TIAM1: variants seen among roughly 807,000 people sequenced by gnomAD.
TIAM1 encodes the protein TIAM Rac1 associated GEF 1.
A neutral mutation model predicts 163.5 loss-of-function variants in TIAM1; 65 were observed. The ratio of observed to expected loss-of-function variants is 0.40; its 90% CI spans 0.33 to 0.49. The LOEUF (loss-of-function observed/expected upper bound fraction) is 0.49, where lower values mean the gene tolerates loss of function less well. Among genes scored for constraint, TIAM1 ranks in the 20% least tolerant of loss-of-function variants. The probability of loss-of-function intolerance (pLI) is 0.77; values close to 1 mark genes in which losing one functional copy is unlikely to be tolerated. For synonymous variants in TIAM1, 833 were observed against 810.1 expected (o/e 1.03, Z -0.48); for missense variants, 1,789 against 2,044.7 (o/e 0.87, Z 2.41).
intron 2 of TIAM1, among the ~76,000 whole-genome samples, chr21:31,385,429 A>G (rs1013007801): frequency 6.6e-6 from 1 of 152,162 alleles, no homozygotes; most frequent in Non-Finnish European, 1.5e-5. Flanking sequence ...CTGCTACGAA[A>G]GAAGGGTGGG....
chr21:31,555,521 C>CT (rs1430943104), intron 1 of TIAM1, among the ~76,000 whole-genome samples: 7 of 152,066 alleles, frequency 4.6e-5, no homozygotes, highest in Admixed American at 4.6e-4. Context: ...AACCACGAGC[C>CT]TGAGTCCGTG....
intron 1 of TIAM1, among the ~76,000 whole-genome samples, chr21:31,528,139 G>T (rs951248137): frequency 1.3e-5 from 2 of 152,140 alleles, no homozygotes; most frequent in Non-Finnish European, 2.9e-5. Flanking sequence ...GGAGCAGGGA[G>T]GGGGGATGCC....
At chr21:31,396,724 C>T (rs371813865) in intron 2 of TIAM1, among the ~76,000 whole-genome samples, 5 of 151,782 alleles carry the variant, frequency 3.3e-5, no homozygotes, top group East Asian at 1.9e-4. Context: ...CCAAGGTGGG[C>T]GGATCACTTG....
At chr21:31,487,095 T>C (rs9979758) in intron 1 of TIAM1, among the ~76,000 whole-genome samples, 89,665 of 152,014 alleles carry the variant, frequency 0.59, 27,333 homozygotes, top group African/African-American at 0.7. Context: ...ATCAGTTTTG[T>C]TCAGGGCTGG....
At chr21:31,303,349 T>C (rs1189764642) in intron 2 of TIAM1, among the ~76,000 whole-genome samples, 1 of 152,192 alleles carries the variant, frequency 6.6e-6, no homozygotes, top group Non-Finnish European at 1.5e-5. Flanking sequence ...AGAATCAGCA[T>C]TAATTGAGCA....
At chr21:31,299,743 G>T (rs2074430126) in intron 2 of TIAM1, among the ~76,000 whole-genome samples, 1 of 152,090 alleles carries the variant, frequency 6.6e-6, no homozygotes, top group Non-Finnish European at 1.5e-5. Flanking sequence ...TTTTGCCTCT[G>T]CTGCTTGAGG....
Position 31,218,892 on chromosome 21 carries a change from C to A in TIAM1, c.1996-1193G>T, listed in dbSNP as rs571516616. Among the ~76,000 whole-genome samples the A allele has an allele frequency of 2.0e-5, 3 of 152,098 alleles. No homozygotes were observed. In the South Asian group the frequency reaches 6.2e-4, roughly 32 times the overall value. ...ACTGGGCTCACTGAAGATGAAGGCA[C>A]CTTACCAGACTTGCATCACTTACAT... On this transcript the variant is annotated intron_variant, in intron 8 of 27. Transcript: ENST00000541036.
intron 1 of TIAM1, among the ~76,000 whole-genome samples, chr21:31,526,575 A>G (rs926914524): frequency 6.6e-6 from 1 of 152,216 alleles, no homozygotes; most frequent in Non-Finnish European, 1.5e-5. Context: ...CTTTCCCACG[A>G]CAATGCAGAC....
intron 2 of TIAM1, among the ~76,000 whole-genome samples, chr21:31,310,519 C>G (rs754346980): frequency 2.6e-5 from 4 of 152,204 alleles, no homozygotes; most frequent in Non-Finnish European, 2.9e-5. Flanking sequence ...TGAGAATCTT[C>G]TAGGTAGTCA....
Position 31,195,225 on chromosome 21 carries a change from G to A in TIAM1, c.2574C>T (p.Tyr858=), listed in dbSNP as rs753566207. 56 of 1,607,492 alleles carry A rather than the reference G, an allele frequency of 3.5e-5. No homozygotes were observed. Among genetic ancestry groups the A allele is most frequent in the Non-Finnish European group, 4.2e-5 (49 of 1,175,266 alleles). ...IEKSDTAADT[Y]GFSLSSVEED... ...ACAAACAAAGAAAAATAAACTTACC[G>A]TAAGTATCAGCAGCTGTATCTGACT... The change falls in exon 13 of 28, where the codon TAC becomes TAT. Residue 858 remains tyrosine, a splice_region_variant and synonymous_variant. Transcript: ENST00000541036.
intron 1 of TIAM1, among the ~76,000 whole-genome samples, chr21:31,500,885 G>C (rs1196331526): frequency 6.6e-6 from 1 of 152,198 alleles, no homozygotes; most frequent in Non-Finnish European, 1.5e-5. Context: ...CTACCAGTTT[G>C]TGCTATGTTA....
At position 31,223,596 on chromosome 21, in the gene TIAM1, G is replaced by A; in HGVS notation, c.1810-5C>T. 1 of 1,579,662 alleles carries A rather than the reference G, an allele frequency of 6.3e-7. No homozygotes were observed. The highest frequency in any genetic ancestry group is 8.6e-7 in the Non-Finnish European group (1 of 1,161,452). On this transcript the variant is annotated splice_polypyrimidine_tract_variant and splice_region_variant and intron_variant, in intron 7 of 27. Coordinates refer to ENST00000541036, the MANE Select transcript of TIAM1 (RefSeq NM_001353694.2). ...ATTTTGCTCCCAGACAAAGATCTAT[G>A]GTAGTGAAAACACGGGAAAAGAAAA...
chr21:31,374,712 G>A (rs768140303), intron 2 of TIAM1, among the ~76,000 whole-genome samples: 7 of 152,214 alleles, frequency 4.6e-5, no homozygotes, highest in Non-Finnish European at 8.8e-5. Context: ...CCAGCAGGGG[G>A]ACAGATTGTT....
chr21:31,366,124 G>A (rs565946450), intron 2 of TIAM1, among the ~76,000 whole-genome samples: 1 of 149,352 alleles, frequency 6.7e-6, no homozygotes, highest in Non-Finnish European at 1.5e-5. Flanking sequence ...GACTTGAAAG[G>A]CAATCCACCT....
intron 12 of TIAM1, among the ~76,000 whole-genome samples, chr21:31,199,911 A>T (rs918903171): frequency 8.4e-6 from 1 of 119,700 alleles, no homozygotes; most frequent in Admixed American, 8.1e-5. Flanking sequence ...ACATCACATT[A>T]AAAAAAAAAA....
chr21:31,533,056 C>T (rs2048020816), intron 1 of TIAM1, among the ~76,000 whole-genome samples: 1 of 152,258 alleles, frequency 6.6e-6, no homozygotes, highest in Non-Finnish European at 1.5e-5. Flanking sequence ...TCAACATAAT[C>T]ATGCCTGTAA....
chr21:31,439,505 G>T (rs570441375), intron 2 of TIAM1, among the ~76,000 whole-genome samples: 77 of 152,266 alleles, frequency 5.1e-4, no homozygotes, highest in African/African-American at 1.6e-3. Context: ...GGCCAGGCTG[G>T]TCTTGAACTC....
intron 8 of TIAM1, 124 bp from the exon 9 acceptor site, chr21:31,217,823 C>G: frequency 8.7e-7 from 1 of 1,144,218 alleles, no homozygotes; most frequent in Non-Finnish European, 1.2e-6. Flanking sequence ...CAACCCTGAC[C>G]CCAATGCCTA....
chr21:31,410,214 G>T lies in TIAM1; in HGVS notation c.-369+53769C>A, dbSNP rs113555625. Among the ~76,000 whole-genome samples the T allele has an allele frequency of 1.8e-3, 271 of 152,196 alleles. 2 individuals are homozygous for T. The highest frequency in any genetic ancestry group is 6.1e-3 in the African/African-American group (255 of 41,528). ...TGAAACAGTGATTGTGAGTGTGTGT[G>T]AGACTGCATTATGTGATTGTGAGCA... On this transcript the variant is annotated intron_variant, in intron 2 of 28. Transcript: ENST00000286827.
Sources: allele counts gnomAD v4.1 joint callset (sites outside exome capture counted in the v4.1 genomes callset), GRCh38; gene constraint gnomAD v4.1.1; transcripts MANE v1.5; gene names NCBI Gene and HGNC (gene_info 2026-07-23, HGNC 2026-07-21).